The following MTBP variants were observed in gnomAD, a reference collection of about 807,000 sequenced individuals.
MTBP encodes the protein mdm2-binding protein.
A neutral mutation model predicts 117.0 loss-of-function variants in MTBP; 101 were observed. The ratio of observed to expected loss-of-function variants is 0.86; its 90% CI spans 0.73 to 1.02. The LOEUF (loss-of-function observed/expected upper bound fraction) is 1.02. MTBP is among the 50% of genes least tolerant of loss of function. MTBP has a pLI of 0.00. For missense variants in MTBP, 970 were observed against 1,030.9 expected (o/e 0.94, Z 0.81); for synonymous variants, 350 against 351.5 (o/e 1.00, Z 0.05).
rs554336364 is a variant in MTBP at position 120,459,356 on chromosome 8, G to C, written c.882+7G>C. 1 of 1,588,262 alleles carries C rather than the reference G, an allele frequency of 6.3e-7. No homozygotes were observed. On this transcript the variant is annotated splice_region_variant and intron_variant, in intron 8 of 21. Coordinates refer to ENST00000305949, the MANE Select transcript of MTBP (RefSeq NM_022045.5). ...TAAGAATATTTTGCCAAAGGTAATC[G>C]TGTTTAATTTTTTTGTGTGATCATT...
chr8:120,487,997 A>G (rs1814254085), intron 11 of MTBP, among the ~76,000 whole-genome samples, 162 bp from the exon 12 acceptor site: 1 of 152,250 alleles, frequency 6.6e-6, no homozygotes, highest in Admixed American at 6.5e-5. Context: ...TTTTGCTTTA[A>G]CAGCTTTCTC....
At chr8:120,501,022 C>T (rs1305405063) in intron 14 of MTBP, among the ~76,000 whole-genome samples, 1 of 151,860 alleles carries the variant, frequency 6.6e-6, no homozygotes, top group Non-Finnish European at 1.5e-5. Flanking sequence ...AAACCCCGTC[C>T]CTACTGAAAA....
At chr8:120,498,229 G>A (rs1357935009) in intron 14 of MTBP, among the ~76,000 whole-genome samples, 1 of 152,070 alleles carries the variant, frequency 6.6e-6, no homozygotes, top group African/African-American at 2.4e-5. Flanking sequence ...CCACTTACTA[G>A]GATTATTGTG....
chr8:120,451,204 G>T lies in MTBP; in HGVS notation c.307G>T (p.Asp103Tyr). ...TTCTGATTGGCAAGAGATACATTTT[G>T]ATACAGAAAAAGATAAAATTGAAGA... ...CSSDWQEIHF[D>Y]TEKDKIEDVL... is the part of the protein sequence containing the mutation. The change falls in exon 4 of 22, where the codon GAT becomes TAT. Residue 103 changes from aspartate (D) to tyrosine (Y), a missense_variant. Transcript: ENST00000305949. The T allele has an allele frequency of 6.2e-7, 1 of 1,609,492 alleles. No homozygotes were observed. The highest frequency in any genetic ancestry group is 1.1e-5 in the South Asian group (1 of 90,720).
At chr8:120,491,644 C>A (rs1814349410) in intron 13 of MTBP, among the ~76,000 whole-genome samples, 1 of 152,122 alleles carries the variant, frequency 6.6e-6, no homozygotes. Flanking sequence ...AGACATCAGC[C>A]AGCTGTATTA....
chr8:120,505,285 T>C (rs147292898), intron 15 of MTBP, among the ~76,000 whole-genome samples: 64 of 152,276 alleles, frequency 4.2e-4, no homozygotes, highest in African/African-American at 1.5e-3. Context: ...CTTTAGGGCA[T>C]ACTTTAGGGT....
intron 17 of MTBP, among the ~76,000 whole-genome samples, chr8:120,512,386 C>A (rs1321487494): frequency 6.6e-6 from 1 of 152,012 alleles, no homozygotes; most frequent in East Asian, 1.9e-4. Context: ...TAGATTATTT[C>A]TCCCAAAATT....
intron 11 of MTBP, among the ~76,000 whole-genome samples, chr8:120,476,069 C>T (rs1813930161): frequency 1.3e-5 from 2 of 151,978 alleles, no homozygotes; most frequent in Non-Finnish European, 2.9e-5. Flanking sequence ...TCTAATGTCA[C>T]AGGGTGGAAT....
chr8:120,482,450 TAAAG>T (rs1487531877), intron 11 of MTBP, among the ~76,000 whole-genome samples: 2 of 151,836 alleles, frequency 1.3e-5, no homozygotes, highest in East Asian at 1.9e-4. Context: ...TGTTGAACAA[TAAAG>T]AAATCATTGC....
chr8:120,469,116 G>T (rs1214468045), intron 10 of MTBP, among the ~76,000 whole-genome samples: 1 of 152,058 alleles, frequency 6.6e-6, no homozygotes, highest in African/African-American at 2.4e-5. Context: ...CTCAATCTGG[G>T]CTCATTGCAA....
chr8:120,458,778 T>C (rs548417758), intron 7 of MTBP, among the ~76,000 whole-genome samples: 3 of 151,244 alleles, frequency 2.0e-5, no homozygotes, highest in Admixed American at 6.6e-5. Flanking sequence ...GAGGTGGAGA[T>C]TGCAGTTAGG....
intron 7 of MTBP, among the ~76,000 whole-genome samples, chr8:120,457,707 G>A (rs1373881334): frequency 1.3e-5 from 2 of 152,048 alleles, no homozygotes; most frequent in South Asian, 2.1e-4. Flanking sequence ...GGCAGATCAC[G>A]AGGTCAGGAG....
intron 6 of MTBP, among the ~76,000 whole-genome samples, 156 bp from the exon 7 acceptor site, chr8:120,456,397 A>C (rs1384927591): frequency 6.6e-6 from 1 of 152,204 alleles, no homozygotes; most frequent in Non-Finnish European, 1.5e-5. Flanking sequence ...TCAGCAATGC[A>C]CTTAGAGACT....
At chr8:120,473,246 T>C (rs1244765164) in intron 11 of MTBP, 1 of 152,196 alleles carries the variant, frequency 6.6e-6, no homozygotes, top group East Asian at 1.9e-4. Context: ...TATTTTCAAT[T>C]CGTGGTTGGT....
At chr8:120,490,676 T>G in intron 13 of MTBP, 106 bp downstream of exon 13, 1 of 641,444 alleles carries the variant, frequency 1.6e-6, no homozygotes, top group Non-Finnish European at 2.6e-6. Context: ...ATCTTTTAGT[T>G]ATGCTACTTA....
At chr8:120,460,520 G>A (rs1813560863) in intron 8 of MTBP, among the ~76,000 whole-genome samples, 1 of 152,086 alleles carries the variant, frequency 6.6e-6, no homozygotes, top group Non-Finnish European at 1.5e-5. Context: ...TTCATGTGAA[G>A]CACCGTGGCT....
At chr8:120,459,383 A>C (rs373245069) in intron 8 of MTBP, 34 bp downstream of exon 8, 2 of 1,574,228 alleles carry the variant, frequency 1.3e-6, no homozygotes, top group East Asian at 4.5e-5. Flanking sequence ...GTGATCATTC[A>C]TGTGTATTTT....
intron 10 of MTBP, among the ~76,000 whole-genome samples, chr8:120,464,511 G>A (rs1363961752): frequency 1.3e-5 from 2 of 151,544 alleles, no homozygotes; most frequent in Non-Finnish European, 2.9e-5. Context: ...AAATAGTCCT[G>A]CAGGGAGAAA....
At chr8:120,498,985 G>A (rs1814526574) in intron 14 of MTBP, among the ~76,000 whole-genome samples, 1 of 152,126 alleles carries the variant, frequency 6.6e-6, no homozygotes, top group Non-Finnish European at 1.5e-5. Context: ...CTGAGCTGCA[G>A]GAGAGCTCAT....
Sources: allele counts gnomAD v4.1 joint callset (sites outside exome capture counted in the v4.1 genomes callset), GRCh38; gene constraint gnomAD v4.1.1; transcripts MANE v1.5; gene names NCBI Gene and HGNC (gene_info 2026-07-23, HGNC 2026-07-21).